Variants in SH3TC1 observed in about 807,000 individuals in gnomAD.
SH3TC1 encodes SH3 domain and tetratricopeptide repeats 1.
Under a neutral mutation model 117.3 loss-of-function variants are expected in SH3TC1, and 135 were observed. The observed-to-expected ratio is 1.15, with a 90% CI of 1.00 to 1.33. The LOEUF (loss-of-function observed/expected upper bound fraction) is 1.33, where lower values mean the gene tolerates loss of function less well. Ranked by LOEUF, SH3TC1 falls within the 40% of genes most tolerant of loss-of-function variation. SH3TC1 has a pLI of 0.00. For missense variants in SH3TC1, 2,092 were observed against 1,794.3 expected (o/e 1.17, Z -3.00); for synonymous variants, 898 against 816.9 (o/e 1.10, Z -1.69).
intron 1 of SH3TC1, among the ~76,000 whole-genome samples, chr4:8,185,204 C>T (rs897120758): frequency 7.2e-5 from 11 of 151,752 alleles, no homozygotes; most frequent in African/African-American, 1.5e-4. Context: ...GGAGTGTTTG[C>T]GGGTGCCTGT....
chr4:8,219,478 C>T lies in SH3TC1; in HGVS notation c.1060C>T (p.Arg354Trp), dbSNP rs776202621. ...CGTGGGCCGACACGCAGCCTCGGGC[C>T]GGGTGGGGTTTGTGCGGAGCAGCCT... ...WCVGRHAASGRVGFVRSSLIS... is the reference protein window; with the variant it reads ...WCVGRHAASGWVGFVRSSLIS... Residue 354 changes from arginine (R) to tryptophan (W), a missense_variant, in exon 9 of 18, where the codon CGG becomes TGG. Coordinates refer to ENST00000245105, the MANE Select transcript of SH3TC1 (RefSeq NM_018986.5). 1.7e-5 allele frequency: 28 copies of T among 1,605,096 alleles called. 1 individual carries two copies. The highest frequency in any genetic ancestry group is 7.7e-5 in the South Asian group (7 of 90,588).
At chr4:8,214,182 G>A (rs956647740) in intron 4 of SH3TC1, among the ~76,000 whole-genome samples, 21 of 152,118 alleles carry the variant, frequency 1.4e-4, no homozygotes, top group African/African-American at 4.8e-4. Flanking sequence ...TGGTGTGTGG[G>A]GGATAAGGCA....
In SH3TC1 at chr4:8,185,563, A is replaced by T. The variant is rs1717196886; in HGVS notation, c.-57+3353A>T. On this transcript the variant is annotated intron_variant, in intron 1 of 16. Coordinates refer to the SH3TC1 transcript ENST00000508641. ...ACAGATGCGAACGCATCCTAACCCC[A>T]CTTTCAGACAGAAAATGGAGCAGAC... Among the ~76,000 whole-genome samples, 3 of 152,070 alleles carry T rather than the reference A, an allele frequency of 2.0e-5. No homozygotes were observed. In the South Asian group the frequency reaches 6.2e-4, roughly 32 times the overall value.
Position 8,222,948 on chromosome 4 carries a change from T to A in SH3TC1, c.1221T>A (p.Asp407Glu), listed in dbSNP as rs1561701562. Residue 407 changes from aspartate to glutamate, a missense_variant, in exon 10 of 18, where the codon GAT (aspartate) becomes GAA (glutamate). Physicochemically the swap from Asp to Glu is conservative, Grantham distance 45. Coordinates refer to ENST00000245105, the MANE Select transcript of SH3TC1 (RefSeq NM_018986.5). ...TGCTGAGGCGGATGTCGGGCACCGA[T>A]GTCTGCAGCGTGTACAGCCTGGGTG... ...RQLLRRMSGT[D>E]VCSVYSLDSV... 6.2e-7 allele frequency: 1 copy of A among 1,612,558 alleles called. No individual in the cohort carries two copies. Among genetic ancestry groups the A allele is most frequent in the Non-Finnish European group, 8.5e-7 (1 of 1,179,816 alleles).
intron 13 of SH3TC1, 73 bp from the exon 14 acceptor site, chr4:8,233,289 CA>C (rs1560112784): frequency 2.6e-6 from 4 of 1,526,988 alleles, no homozygotes; most frequent in Non-Finnish European, 3.5e-6. Context: ...CATCTGTCAC[CA>C]GACCCACGGG....
rs1718475359 is a variant in SH3TC1, at chr4:8,209,616, T to C, written c.173-132T>C. 1 of 1,538,938 alleles carries C rather than the reference T, an allele frequency of 6.5e-7. No individual in the cohort carries two copies. The highest frequency in any genetic ancestry group is 1.2e-5 in the South Asian group (1 of 83,762). On this transcript the variant is annotated intron_variant, in intron 2 of 17. Transcript: ENST00000245105. This position sits in a 1 kb window ranked among gnomAD's most constrained non-coding sequence, Gnocchi z 5.9. Reference sequence around the variant, plus strand: ...TCTGGGGAGACTGGAGGAAGGCAGCTGTGGGAAAGGCGGCTCGTGCGGGAC... The same window carrying C: ...TCTGGGGAGACTGGAGGAAGGCAGCCGTGGGAAAGGCGGCTCGTGCGGGAC...
intron 1 of SH3TC1, among the ~76,000 whole-genome samples, chr4:8,191,995 ATTT>A (rs1369157517): frequency 1.2e-4 from 18 of 147,922 alleles, no homozygotes; most frequent in African/African-American, 4.6e-4. Flanking sequence ...TTATTTATTT[ATTT>A]ATTATTTTTG....
At position 8,225,912 on chromosome 4, in the gene SH3TC1, T is replaced by A. The variant is rs1720415303; in HGVS notation, c.1285+696T>A. Among the ~76,000 whole-genome samples the A allele has an allele frequency of 6.6e-6, 1 of 151,876 alleles. No homozygotes were observed. The highest frequency in any genetic ancestry group is 6.6e-5 in the Admixed American group (1 of 15,250). On this transcript the variant is annotated intron_variant, in intron 11 of 17. Coordinates refer to ENST00000245105, the MANE Select transcript of SH3TC1 (RefSeq NM_018986.5). This position sits in a 1 kb window ranked among gnomAD's most constrained non-coding sequence, Gnocchi z 5.5. ...GGGGTGGATCCACCCTCTGCCGAAGTCCCTGGAGCAAATGCGAGTGACTCC... is the reference window on the plus strand; with the variant it reads ...GGGGTGGATCCACCCTCTGCCGAAGACCCTGGAGCAAATGCGAGTGACTCC...
At chr4:8,201,778 T>C (rs939735997) in intron 1 of SH3TC1, 7 of 152,316 alleles carry the variant, frequency 4.6e-5, no homozygotes, top group African/African-American at 1.7e-4. Flanking sequence ...GAGTACCAGC[T>C]GTGTGCCAGG....
rs760396264 is a variant in SH3TC1, at chr4:8,206,499, C to T, written c.172+1133C>T. ...GGGCCCAGGGAGGAGCTGGGAGCCT[C>T]TGGGAAGGGGAGTGGTAGGAGTTGG... On this transcript the variant is annotated intron_variant, in intron 2 of 17. Transcript: ENST00000245105. The surrounding 1 kb of genome is among the most constrained non-coding windows in gnomAD (Gnocchi z 5.5). Among the ~76,000 whole-genome samples the T allele has an allele frequency of 1.6e-4, 25 of 152,132 alleles. No homozygotes were observed. The highest frequency in any genetic ancestry group is 3.1e-4 in the Non-Finnish European group (21 of 68,008).
chr4:8,207,144 G>T (rs1578658682), intron 2 of SH3TC1, among the ~76,000 whole-genome samples: 2 of 151,384 alleles, frequency 1.3e-5, no homozygotes, highest in Non-Finnish European at 2.9e-5. Context: ...ACCTCTCTGA[G>T]GTACCTTTTA....
chr4:8,185,834 C>T (rs1717203338), intron 1 of SH3TC1, among the ~76,000 whole-genome samples: 1 of 152,216 alleles, frequency 6.6e-6, no homozygotes, highest in Non-Finnish European at 1.5e-5. Context: ...AGTGGGGTTG[C>T]TGGGCAAAGG....
At chr4:8,229,510 C>T (rs1174180033) in intron 12 of SH3TC1, among the ~76,000 whole-genome samples, 2 of 30,026 alleles carry the variant, frequency 6.7e-5, no homozygotes, top group East Asian at 6.1e-4. Context: ...GGGGTGTGAG[C>T]GGGTGAGCGG....
intron 1 of SH3TC1, among the ~76,000 whole-genome samples, chr4:8,188,885 G>A (rs2152974274): frequency 6.6e-6 from 1 of 152,330 alleles, no homozygotes; most frequent in South Asian, 2.1e-4. Flanking sequence ...TGTCTCTCCG[G>A]TGTCCCAGGG....
intron 3 of SH3TC1, among the ~76,000 whole-genome samples, chr4:8,211,758 G>A (rs1050212018): frequency 6.6e-6 from 1 of 151,982 alleles, no homozygotes; most frequent in East Asian, 1.9e-4. Context: ...GCCAACCTCA[G>A]ACATTGAGGA....
intron 15 of SH3TC1, 75 bp downstream of exon 15, chr4:8,235,630 G>T: frequency 4.1e-6 from 6 of 1,470,560 alleles, no homozygotes; most frequent in Non-Finnish European, 5.4e-6. Context: ...GGTGTGGCAG[G>T]GCAGAGCCCT....
intron 1 of SH3TC1, chr4:8,182,344 C>G (rs1717102546): frequency 6.6e-6 from 1 of 152,360 alleles, no homozygotes; most frequent in South Asian, 2.1e-4. Flanking sequence ...GGAGGGTGCA[C>G]CCAAAACTCG....
In SH3TC1 at chr4:8,232,147, G is replaced by A. The variant is rs200873083; in HGVS notation, c.3122G>A (p.Gly1041Asp). 3.7e-6 allele frequency: 5 copies of A among 1,354,446 alleles called. No homozygotes were observed. The highest frequency in any genetic ancestry group is 1.5e-5 in the African/African-American group (1 of 65,420). 83.9% of individuals were successfully genotyped at this position (1,354,446 alleles called of 1,614,324 possible). The change falls in exon 13 of 18, where the codon GGC becomes GAC. Residue 1041 changes from glycine to aspartate, a missense_variant. Physicochemically the swap from Gly to Asp is moderately conservative, Grantham distance 94. Coordinates refer to ENST00000245105, the MANE Select transcript of SH3TC1 (RefSeq NM_018986.5). ...ETISQLYLSL[G>D]TERAYKSALD... ...ATCAGCCAGCTCTACCTGTCCCTGG[G>A]CACCGAGCGGTGAGGGCTGGCTCTG...
chr4:8,230,662 G>A (rs1196228324), intron 12 of SH3TC1, among the ~76,000 whole-genome samples: 1 of 152,024 alleles, frequency 6.6e-6, no homozygotes, highest in Non-Finnish European at 1.5e-5. Flanking sequence ...AGTTTCTTAA[G>A]GTGGAAGGTT....
Sources: allele counts gnomAD v4.1 joint callset (sites outside exome capture counted in the v4.1 genomes callset), GRCh38; gene constraint gnomAD v4.1.1; non-coding constraint Gnocchi (gnomAD v3.1); transcripts MANE v1.5; gene names NCBI Gene and HGNC (gene_info 2026-07-23, HGNC 2026-07-21).